The following PKIG variants were observed in gnomAD, a reference collection of about 807,000 sequenced individuals.
PKIG encodes the protein cAMP-dependent protein kinase inhibitor gamma, also known as protein kinase (cAMP-dependent, catalytic) inhibitor gamma.
In PKIG, 1 loss-of-function variant was observed where a neutral mutation model predicts 6.8. The ratio of observed to expected loss-of-function variants is 0.15; its 90% confidence interval spans 0.05 to 0.69. PKIG has a LOEUF of 0.69. Among genes scored for constraint, PKIG ranks in the 30% least tolerant of loss-of-function variants. The pLI is 0.82. For missense variants in PKIG, 77 were observed against 104.0 expected (o/e 0.74, Z 1.13); for synonymous variants, 39 against 43.0 (o/e 0.91, Z 0.36).
At chr20:44,535,374 C>T (rs182871644) in intron 1 of PKIG, among the ~76,000 whole-genome samples, 39 of 152,264 alleles carry the variant, frequency 2.6e-4, no homozygotes, top group African/African-American at 7.9e-4. Context: ...GGCACGGTGG[C>T]TTACGCCTGT....
At chr20:44,586,234 A>T (rs1033298712) in intron 1 of PKIG, among the ~76,000 whole-genome samples, 1 of 152,250 alleles carries the variant, frequency 6.6e-6, no homozygotes, top group Non-Finnish European at 1.5e-5. Context: ...GATAGGGCTC[A>T]TAAAGCACTT....
At chr20:44,608,985 C>T (rs998854374) in intron 2 of PKIG, among the ~76,000 whole-genome samples, 16 of 152,136 alleles carry the variant, frequency 1.1e-4, no homozygotes, top group Non-Finnish European at 2.1e-4. Context: ...AGTTTACAGT[C>T]TCATTAACAG....
At chr20:44,539,567 C>T (rs2064542579) in intron 1 of PKIG, among the ~76,000 whole-genome samples, 1 of 151,338 alleles carries the variant, frequency 6.6e-6, no homozygotes, top group African/African-American at 2.4e-5. Context: ...TACAGGCGCC[C>T]ACCACCACGC....
At chr20:44,560,786 C>T (rs779355500) in intron 1 of PKIG, among the ~76,000 whole-genome samples, 3 of 152,198 alleles carry the variant, frequency 2.0e-5, no homozygotes, top group African/African-American at 4.8e-5. Context: ...CATCAGGCAG[C>T]TGGCAGAAGC....
At chr20:44,576,158 AGTGTGTGTGTGTGTGTGTGT>A (rs3221821) in intron 1 of PKIG, among the ~76,000 whole-genome samples, 3 of 140,492 alleles carry the variant, frequency 2.1e-5, no homozygotes, top group African/African-American at 5.3e-5. Flanking sequence ...GACTAAGTAG[AGTGTGTGTGTGTGTGTGTGT>A]GTGTGTGTGT....
At chr20:44,618,250 T>C (rs1398783338) in intron 3 of PKIG, 35 bp from the exon 4 acceptor site, 4 of 1,380,506 alleles carry the variant, frequency 2.9e-6, no homozygotes, top group East Asian at 4.6e-5. Context: ...TTTGTGTATA[T>C]GTGCCCAAGA....
At chr20:44,539,570 C>G (rs575112917) in intron 1 of PKIG, among the ~76,000 whole-genome samples, 161 of 152,124 alleles carry the variant, frequency 1.1e-3, no homozygotes, top group African/African-American at 3.9e-3. Flanking sequence ...AGGCGCCCAC[C>G]ACCACGCCCG....
chr20:44,561,047 G>A (rs774262156), intron 1 of PKIG, among the ~76,000 whole-genome samples: 12 of 152,264 alleles, frequency 7.9e-5, no homozygotes, highest in South Asian at 4.1e-4. Flanking sequence ...AGATAAAAAC[G>A]TCACAATGGG....
At chr20:44,592,329 G>A (rs947365790) in intron 2 of PKIG, among the ~76,000 whole-genome samples, 1 of 152,168 alleles carries the variant, frequency 6.6e-6, no homozygotes, top group Non-Finnish European at 1.5e-5. Context: ...CTTTCAGACA[G>A]TGCAGAGGAC....
chr20:44,554,044 C>T (rs2064691514), intron 1 of PKIG, among the ~76,000 whole-genome samples: 1 of 151,834 alleles, frequency 6.6e-6, no homozygotes, highest in African/African-American at 2.4e-5. Context: ...GACAGCAGAG[C>T]ATTGTAGACC....
intron 1 of PKIG, among the ~76,000 whole-genome samples, chr20:44,568,395 C>T (rs928732827): frequency 6.6e-6 from 1 of 151,940 alleles, no homozygotes; most frequent in African/African-American, 2.4e-5. Flanking sequence ...ATAGTTTCTT[C>T]CATTTTTTTC....
At chr20:44,597,151 C>T (rs1341179706) in intron 2 of PKIG, among the ~76,000 whole-genome samples, 4 of 152,154 alleles carry the variant, frequency 2.6e-5, no homozygotes, top group Admixed American at 2.6e-4. Flanking sequence ...TGATCATTAG[C>T]TAGAGAGCAC....
intron 1 of PKIG, among the ~76,000 whole-genome samples, chr20:44,563,832 T>G (rs1408303110): frequency 1.3e-5 from 2 of 152,144 alleles, no homozygotes; most frequent in African/African-American, 4.8e-5. Flanking sequence ...CACCTGGCTG[T>G]CTGTCTTACC....
intron 2 of PKIG, among the ~76,000 whole-genome samples, chr20:44,595,486 T>C (rs1012271314): frequency 6.6e-6 from 1 of 152,260 alleles, no homozygotes; most frequent in Admixed American, 6.5e-5. Context: ...TGTACAGCTG[T>C]CCTTTGGGAT....
At chr20:44,615,761 A>G (rs1430144513) in intron 3 of PKIG, among the ~76,000 whole-genome samples, 1 of 151,950 alleles carries the variant, frequency 6.6e-6, no homozygotes, top group African/African-American at 2.4e-5. Context: ...CTCACTGGCC[A>G]GAAGTGAATC....
chr20:44,565,111 A>G (rs1158715632), intron 1 of PKIG, among the ~76,000 whole-genome samples: 1 of 152,238 alleles, frequency 6.6e-6, no homozygotes, highest in Non-Finnish European at 1.5e-5. Flanking sequence ...CATCACTTAA[A>G]AATTACCTTT....
intron 1 of PKIG, chr20:44,564,340 G>A (rs1023924591): frequency 6.6e-6 from 1 of 152,148 alleles, no homozygotes; most frequent in Admixed American, 6.6e-5. Context: ...CTCTACAGCA[G>A]GTGGGAAAAA....
At chr20:44,543,321 T>C (rs1359174840) in intron 1 of PKIG, among the ~76,000 whole-genome samples, 1 of 152,158 alleles carries the variant, frequency 6.6e-6, no homozygotes, top group African/African-American at 2.4e-5. Flanking sequence ...GTAAACTTTT[T>C]TTTTTTTTGC....
At chr20:44,587,857 C>T (rs1478529536) in intron 1 of PKIG, among the ~76,000 whole-genome samples, 1 of 152,184 alleles carries the variant, frequency 6.6e-6, no homozygotes, top group African/African-American at 2.4e-5. Flanking sequence ...CCAATCACTA[C>T]TATCTGCAAT....
Sources: gnomAD v4.1 joint callset for allele counts (sites outside exome capture counted in the v4.1 genomes callset) on GRCh38, gnomAD v4.1.1 for gene constraint, MANE v1.5 for transcripts, NCBI Gene and HGNC (gene_info 2026-07-23, HGNC 2026-07-21) for gene names.